MACO1: variants seen among roughly 807,000 people sequenced by gnomAD.
MACO1 encodes macoilin 1, also known as macoilin.
A neutral mutation model predicts 78.7 loss-of-function variants in MACO1; 14 were observed. The ratio of observed to expected loss-of-function variants is 0.18; its 90% CI spans 0.12 to 0.28. The LOEUF is 0.28. MACO1 is among the 10% of genes least tolerant of loss of function. The probability of loss-of-function intolerance (pLI) is 1.00; values close to 1 mark genes in which losing one functional copy is unlikely to be tolerated. For synonymous variants in MACO1, 288 were observed against 291.6 expected (o/e 0.99, Z 0.12); for missense variants, 501 against 799.0 (o/e 0.63, Z 4.50).
chr1:25,439,526 G>C (rs1166265101), intron 1 of MACO1, among the ~76,000 whole-genome samples: 1 of 152,178 alleles, frequency 6.6e-6, no homozygotes, highest in Non-Finnish European at 1.5e-5. Context: ...CAGTATGCAG[G>C]AGGCCTAGAA....
intron 1 of MACO1, among the ~76,000 whole-genome samples, chr1:25,437,068 G>C (rs939997267): frequency 2.0e-5 from 3 of 152,060 alleles, no homozygotes; most frequent in African/African-American, 7.2e-5. Context: ...ACTCAGCACA[G>C]AGGAGTGGCT....
At position 25,485,549 on chromosome 1, in the gene MACO1, T is replaced by C; in HGVS notation, c.1314-64T>C. ...GGCCTTAAGGTGATAAAGAGATGTT[T>C]CTCAAGGGTTTATAGTGGGCATTTG... is the stretch of plus-strand genomic sequence containing the variant. On this transcript the variant is annotated intron_variant, in intron 7 of 10. Transcript: ENST00000374343. The surrounding 1 kb of genome is among the most constrained non-coding windows in gnomAD (Gnocchi z 4.3). The C allele has an allele frequency of 6.6e-7, 1 of 1,521,268 alleles. No individual in the cohort carries two copies. The highest frequency in any genetic ancestry group is 1.4e-5 in the African/African-American group (1 of 71,908). 94.2% of individuals were successfully genotyped at this position (1,521,268 alleles called of 1,614,324 possible).
chr1:25,455,708 C>T (rs896878210), intron 4 of MACO1, among the ~76,000 whole-genome samples: 9 of 152,098 alleles, frequency 5.9e-5, no homozygotes, highest in Non-Finnish European at 1.0e-4. Flanking sequence ...CAAATCTTGG[C>T]ACTGATCATA....
At position 25,499,115 on chromosome 1, in the gene MACO1, T is replaced by TTA. The variant is rs1553167761; in HGVS notation, c.*650_*651insAT. On this transcript the variant is annotated 3_prime_UTR_variant, in exon 11 of 11. Coordinates refer to ENST00000374343, the MANE Select transcript of MACO1 (RefSeq NM_018202.6). ...AAATATTTATATTCCCATCGGTGTG[T>TTA]TTAGTCCTAGAAAATTGCTAGCAGC... The TTA allele has an allele frequency of 6.6e-6, 1 of 152,218 alleles. No homozygotes were observed. The highest frequency in any genetic ancestry group is 1.5e-5 in the Non-Finnish European group (1 of 68,030). 9.4% of individuals were successfully genotyped at this position (152,218 alleles called of 1,614,324 possible).
intron 1 of MACO1, among the ~76,000 whole-genome samples, chr1:25,433,478 A>G (rs1278550085): frequency 6.6e-6 from 1 of 152,172 alleles, no homozygotes; most frequent in Admixed American, 6.5e-5. Context: ...CATGTGGCCA[A>G]TTTTGGATTC....
chr1:25,464,961 A>C (rs941313240), intron 6 of MACO1, among the ~76,000 whole-genome samples: 1 of 147,510 alleles, frequency 6.8e-6, no homozygotes, highest in Non-Finnish European at 1.5e-5. Context: ...GGCATGAGCC[A>C]CTGCGCCCAG....
chr1:25,442,063 G>A (rs2042978125), intron 1 of MACO1, among the ~76,000 whole-genome samples: 1 of 152,218 alleles, frequency 6.6e-6, no homozygotes, highest in Non-Finnish European at 1.5e-5. Flanking sequence ...TAGGGATCTG[G>A]TTAAAATGCA....
chr1:25,460,934 G>A (rs1015226757), intron 6 of MACO1, among the ~76,000 whole-genome samples: 14 of 151,948 alleles, frequency 9.2e-5, no homozygotes, highest in African/African-American at 3.4e-4. Flanking sequence ...AGCTCCCATG[G>A]TATTATTTTC....
chr1:25,465,451 C>A (rs1182532490), intron 6 of MACO1, among the ~76,000 whole-genome samples: 2 of 152,154 alleles, frequency 1.3e-5, no homozygotes, highest in Admixed American at 1.3e-4. Context: ...CTGGCCAGCA[C>A]TTGGTATTGT....
At chr1:25,450,577 C>T (rs952866598) in intron 3 of MACO1, among the ~76,000 whole-genome samples, 8 of 152,328 alleles carry the variant, frequency 5.3e-5, no homozygotes, top group African/African-American at 1.9e-4. Flanking sequence ...TCATCCTCTT[C>T]TCAGAACTGC....
chr1:25,456,880 T>G lies in MACO1; in HGVS notation c.652+49T>G, dbSNP rs1396377431. On this transcript the variant is annotated intron_variant, in intron 5 of 10. Transcript: ENST00000374343. ...TGGCTCAATAGGCTAGTCATTATTT[T>G]GTCTCTTGGTAGAATTTTCTTTTCT... 13 of 1,527,586 alleles carry G rather than the reference T, an allele frequency of 8.5e-6. No individual in the cohort carries two copies. The Admixed American group carries it at 2.8e-4, about 33-fold the overall frequency. 94.6% of individuals were successfully genotyped at this position (1,527,586 alleles called of 1,614,324 possible). A position where few individuals can be genotyped will look rare whatever the true frequency, so the allele number is the denominator to read the frequency against.
intron 3 of MACO1, among the ~76,000 whole-genome samples, chr1:25,451,933 A>G (rs1422268209): frequency 6.8e-6 from 1 of 146,326 alleles, no homozygotes; most frequent in Non-Finnish European, 1.5e-5. Flanking sequence ...CTCTGTCTCC[A>G]AAAAAAAAAG....
At chr1:25,465,445 C>T (rs1441694795) in intron 6 of MACO1, among the ~76,000 whole-genome samples, 1 of 152,156 alleles carries the variant, frequency 6.6e-6, no homozygotes, top group African/African-American at 2.4e-5. Flanking sequence ...TAAATCCTGG[C>T]CAGCACTTGG....
intron 6 of MACO1, among the ~76,000 whole-genome samples, chr1:25,481,124 G>A (rs924258690): frequency 5.3e-5 from 8 of 151,494 alleles, no homozygotes; most frequent in Non-Finnish European, 7.4e-5. Flanking sequence ...TTTGTGGTGG[G>A]AAAAGATTAA....
chr1:25,474,039 C>G (rs1396523440), intron 6 of MACO1, among the ~76,000 whole-genome samples: 1 of 152,200 alleles, frequency 6.6e-6, no homozygotes, highest in East Asian at 1.9e-4. Flanking sequence ...GTGAGTGAGG[C>G]AGGCTAGGGT....
At chr1:25,472,265 G>A (rs2043277842) in intron 6 of MACO1, among the ~76,000 whole-genome samples, 1 of 152,080 alleles carries the variant, frequency 6.6e-6, no homozygotes, top group South Asian at 2.1e-4. Context: ...TGCAGAATGT[G>A]CAGGTTTGTT....
chr1:25,476,908 C>A (rs186426982), intron 6 of MACO1, among the ~76,000 whole-genome samples: 1 of 152,240 alleles, frequency 6.6e-6, no homozygotes, highest in East Asian at 1.9e-4. Context: ...TAACACTGAC[C>A]CTGTTCCATT....
chr1:25,445,103 G>C (rs1055607272), intron 1 of MACO1, among the ~76,000 whole-genome samples: 3 of 146,868 alleles, frequency 2.0e-5, no homozygotes, highest in Non-Finnish European at 4.5e-5. Flanking sequence ...AGACCAGCCT[G>C]GGTAACATGG....
chr1:25,483,891 A>T (rs916875903), intron 6 of MACO1, among the ~76,000 whole-genome samples: 1 of 152,080 alleles, frequency 6.6e-6, no homozygotes, highest in Non-Finnish European at 1.5e-5. Context: ...ATTCATAAAC[A>T]GGGGGAAGTT....
Sources: allele counts gnomAD v4.1 joint callset (sites outside exome capture counted in the v4.1 genomes callset), GRCh38; gene constraint gnomAD v4.1.1; non-coding constraint Gnocchi (gnomAD v3.1); transcripts MANE v1.5; gene names NCBI Gene and HGNC (gene_info 2026-07-23, HGNC 2026-07-21).